Variants in UGT2B7 observed in about 807,000 individuals in gnomAD.
The protein encoded by UGT2B7 is UDP-glucuronosyltransferase 2B7.
A neutral mutation model predicts 51.9 loss-of-function variants in UGT2B7; 51 were observed. The observed-to-expected ratio is 0.98, with a 90% CI of 0.78 to 1.24. The LOEUF is 1.24. UGT2B7 is among the 50% of genes most tolerant of loss of function. The probability of loss-of-function intolerance (pLI) is 0.00; values close to 1 mark genes in which losing one functional copy is unlikely to be tolerated. For missense variants in UGT2B7, 727 were observed against 628.4 expected (o/e 1.16, Z -1.68); for synonymous variants, 225 against 211.6 (o/e 1.06, Z -0.55).
At chr4:69,065,087 T>A (rs1207587649) in intron 1 of UGT2B7, among the ~76,000 whole-genome samples, 1 of 152,088 alleles carries the variant, frequency 6.6e-6, no homozygotes, top group African/African-American at 2.4e-5. Context: ...ACTAGCACAA[T>A]AAGTAGGTAT....
intron 4 of UGT2B7, 80 bp from the exon 5 acceptor site, chr4:69,108,023 C>T (rs1420265597): frequency 1.3e-6 from 2 of 1,525,028 alleles, no homozygotes; most frequent in Non-Finnish European, 1.8e-6. Flanking sequence ...AGCTGGAAAA[C>T]ACTGTCACTT....
chr4:69,064,094 A>AAGAAAGAAAGAAAGAG (rs1560499755), intron 1 of UGT2B7, among the ~76,000 whole-genome samples: 33 of 84,470 alleles, frequency 3.9e-4, no homozygotes, highest in Admixed American at 4.9e-4. Flanking sequence ...GAAAGAAAGA[A>AAGAAAGAAAGAAAGAG]AGAGAAAGAA....
chr4:69,096,341 A>G, upstream of UGT2B7: 1 of 935,872 alleles, frequency 1.1e-6, no homozygotes, highest in Non-Finnish European at 1.6e-6. Context: ...TGAACAGATC[A>G]TTTACCTTCA....
chr4:69,064,313 G>A (rs1477409701), intron 1 of UGT2B7, among the ~76,000 whole-genome samples: 1 of 152,170 alleles, frequency 6.6e-6, no homozygotes, highest in Non-Finnish European at 1.5e-5. Flanking sequence ...AACATAGGGA[G>A]AAGAAAAACA....
chr4:69,087,375 A>G (rs1441749762), intron 1 of UGT2B7, among the ~76,000 whole-genome samples: 2 of 151,896 alleles, frequency 1.3e-5, no homozygotes, highest in African/African-American at 2.4e-5. Flanking sequence ...GTCTCAATTT[A>G]TATCTTTTCA....
intron 1 of UGT2B7, among the ~76,000 whole-genome samples, chr4:69,063,061 T>C (rs1205450895): frequency 6.6e-6 from 1 of 151,196 alleles, no homozygotes; most frequent in Non-Finnish European, 1.5e-5. Flanking sequence ...TGCTCACGCC[T>C]GTAATCCCAG....
At position 69,097,873 on chromosome 4, in the gene UGT2B7, T is replaced by C. The variant is rs552852362; in HGVS notation, c.721+632T>C. On this transcript the variant is annotated intron_variant, in intron 1 of 5. Coordinates refer to ENST00000305231, the MANE Select transcript of UGT2B7 (RefSeq NM_001074.4). ...TGTGAAGGTTGTTATATCTACATAG[T>C]TTTTTGAAACTATGTCTCTTTATTA... Among the ~76,000 whole-genome samples the C allele has an allele frequency of 9.2e-5, 14 of 152,154 alleles. No individual in the cohort carries two copies. In the East Asian group the frequency reaches 2.7e-3, roughly 29 times the overall value.
rs1462352747 is a variant in UGT2B7 at position 69,096,500 on chromosome 4, CA to C, written c.-19del. Reference sequence around the variant, plus strand: ...ACAGAAAGGAACAGCAACTGGAAAACAAGCATTGCATTGCACCAGGATGTCT... The same window carrying C: ...ACAGAAAGGAACAGCAACTGGAAAACAGCATTGCATTGCACCAGGATGTCT... On this transcript the variant is annotated 5_prime_UTR_variant, in exon 1 of 6. Transcript: ENST00000305231. The C allele has an allele frequency of 4.9e-5, 79 of 1,611,342 alleles. No homozygotes were observed. The highest frequency in any genetic ancestry group is 5.9e-5 in the Non-Finnish European group (70 of 1,179,248).
intron 3 of UGT2B7, among the ~76,000 whole-genome samples, chr4:69,105,451 T>C (rs114274672): frequency 6.6e-6 from 1 of 152,202 alleles, no homozygotes; most frequent in Non-Finnish European, 1.5e-5. Flanking sequence ...GTTTAGTTTA[T>C]GAGGATTGCT....
intron 3 of UGT2B7, among the ~76,000 whole-genome samples, chr4:69,103,366 T>A (rs1023021566): frequency 6.6e-6 from 1 of 152,062 alleles, no homozygotes; most frequent in Non-Finnish European, 1.5e-5. Context: ...AGGGGTTGCA[T>A]GTGGCCCTGG....
At chr4:69,053,652 C>G (rs567926731) in intron 1 of UGT2B7, among the ~76,000 whole-genome samples, 18 of 152,324 alleles carry the variant, frequency 1.2e-4, no homozygotes, top group African/African-American at 4.1e-4. Context: ...GGCCATCCAG[C>G]TTCCATCTCC....
chr4:69,064,491 G>A (rs1718445614), intron 1 of UGT2B7, among the ~76,000 whole-genome samples: 1 of 152,244 alleles, frequency 6.6e-6, no homozygotes, highest in South Asian at 2.1e-4. Flanking sequence ...GCAAACCAGT[G>A]CAAGGCTCTT....
intron 1 of UGT2B7, among the ~76,000 whole-genome samples, chr4:69,078,332 T>G (rs977310884): frequency 6.6e-6 from 1 of 152,174 alleles, no homozygotes; most frequent in Non-Finnish European, 1.5e-5. Flanking sequence ...TAGGGAGGAC[T>G]CCCTCTTTTT....
chr4:69,070,673 C>T (rs1718581732), intron 1 of UGT2B7, among the ~76,000 whole-genome samples: 1 of 151,932 alleles, frequency 6.6e-6, no homozygotes, highest in Non-Finnish European at 1.5e-5. Flanking sequence ...TAGAAAATTA[C>T]ATAAAAATTA....
At chr4:69,057,017 T>C (rs1718219503) in intron 1 of UGT2B7, among the ~76,000 whole-genome samples, 1 of 152,202 alleles carries the variant, frequency 6.6e-6, no homozygotes, top group African/African-American at 2.4e-5. Context: ...TAGTTAAAAA[T>C]CAACTCATGA....
At chr4:69,067,998 A>G (rs1718518632) in intron 1 of UGT2B7, among the ~76,000 whole-genome samples, 1 of 152,134 alleles carries the variant, frequency 6.6e-6, no homozygotes, top group Non-Finnish European at 1.5e-5. Flanking sequence ...ATGAGAACTC[A>G]TCAAATGTTC....
In UGT2B7 at chr4:69,107,930, T is replaced by C. The variant is rs58997816; in HGVS notation, c.1091-173T>C. On this transcript the variant is annotated intron_variant, in intron 4 of 5. Transcript: ENST00000305231. ...GCAGTCTGAAGTCACACACACCGTATAGCCTTCAGTTACATACCCAGTACA... is the reference window on the plus strand; with the variant it reads ...GCAGTCTGAAGTCACACACACCGTACAGCCTTCAGTTACATACCCAGTACA... Among the ~76,000 whole-genome samples the C allele has an allele frequency of 9.3e-3, 1,418 of 152,312 alleles. 14 individuals carry two copies. The highest frequency in any genetic ancestry group is 0.055 in the East Asian group (286 of 5,184).
At chr4:69,069,921 T>G (rs1718565033) in intron 1 of UGT2B7, 1 of 152,134 alleles carries the variant, frequency 6.6e-6, no homozygotes, top group South Asian at 2.1e-4. Flanking sequence ...GCAGGCATGA[T>G]ACAGAAAATC....
intron 1 of UGT2B7, among the ~76,000 whole-genome samples, chr4:69,061,043 T>TTCAA (rs1718334249): frequency 6.6e-6 from 1 of 152,126 alleles, no homozygotes; most frequent in African/African-American, 2.4e-5. Flanking sequence ...AGCAGCTTCA[T>TTCAA]ACTAGAGGGA....
Sources: gnomAD v4.1 joint callset for allele counts (sites outside exome capture counted in the v4.1 genomes callset) on GRCh38, gnomAD v4.1.1 for gene constraint, MANE v1.5 for transcripts, NCBI Gene and HGNC (gene_info 2026-07-23, HGNC 2026-07-21) for gene names.